CALN1: variants seen among roughly 807,000 people sequenced by gnomAD.
The protein encoded by CALN1 is calneuron 1, also known as calcium-binding protein 8.
In CALN1, 17 loss-of-function variants were observed where a neutral mutation model predicts 30.6. The observed-to-expected ratio is 0.56, with a 90% CI of 0.38 to 0.83. The LOEUF is 0.83. CALN1 is among the 40% of genes least tolerant of loss of function. The probability of loss-of-function intolerance (pLI) is 0.00; values close to 1 mark genes in which losing one functional copy is unlikely to be tolerated. For missense variants in CALN1, 291 were observed against 354.9 expected, an observed-to-expected ratio of 0.82 and a Z score of 1.45; for synonymous variants, 156 against 131.4, an observed-to-expected ratio of 1.19 and a Z score of -1.28.
chr7:72,445,830 G>A (rs748408950), intron 1 of CALN1, among the ~76,000 whole-genome samples: 8 of 152,144 alleles, frequency 5.3e-5, no homozygotes, highest in Non-Finnish European at 1.0e-4. Context: ...GGTAACTACC[G>A]TTCATGGAAA....
At chr7:71,889,309 T>G (rs535947382) in intron 5 of CALN1, among the ~76,000 whole-genome samples, 1 of 152,334 alleles carries the variant, frequency 6.6e-6, no homozygotes, top group African/African-American at 2.4e-5. Flanking sequence ...CCCTTGGGGC[T>G]CTTTTATTTA....
the CALN1 span, among the ~76,000 whole-genome samples, chr7:72,471,154 A>G: frequency 2.6e-5 from 4 of 152,296 alleles, 1 homozygote; most frequent in African/African-American, 9.6e-5. Flanking sequence ...GGGTCTTGCT[A>G]TCTTACCCAG....
intron 2 of CALN1, among the ~76,000 whole-genome samples, chr7:72,363,812 C>CCG (rs1803712391): frequency 6.6e-6 from 1 of 151,052 alleles, no homozygotes; most frequent in Non-Finnish European, 1.5e-5. Flanking sequence ...ACTGCAACCC[C>CCG]CGCCTCCTGG....
chr7:71,862,565 CTCTT>C (rs1321668327), intron 5 of CALN1, among the ~76,000 whole-genome samples: 3 of 152,172 alleles, frequency 2.0e-5, no homozygotes, highest in Non-Finnish European at 4.4e-5. Flanking sequence ...TCTATTACAC[CTCTT>C]TCTTTTATGA....
the CALN1 span, among the ~76,000 whole-genome samples, chr7:72,475,922 T>G: frequency 6.8e-6 from 1 of 146,262 alleles, no homozygotes; most frequent in Non-Finnish European, 1.5e-5. Context: ...GAACATGCTC[T>G]CTCTCTCCCT....
chr7:72,200,536 T>A (rs890511418), intron 3 of CALN1, among the ~76,000 whole-genome samples: 2 of 152,034 alleles, frequency 1.3e-5, no homozygotes, highest in African/African-American at 4.8e-5. Context: ...AACTGAGACT[T>A]AGAGTAGCTC....
intron 5 of CALN1, among the ~76,000 whole-genome samples, chr7:71,818,711 TATTTATTTA>T (rs1788413890): frequency 6.7e-6 from 1 of 149,404 alleles, no homozygotes. Context: ...TTTATTTATT[TATTTATTTA>T]TTTTTTTGAG....
chr7:72,096,667 T>C (rs1032861553), intron 4 of CALN1, among the ~76,000 whole-genome samples: 1 of 152,140 alleles, frequency 6.6e-6, no homozygotes, highest in Non-Finnish European at 1.5e-5. Flanking sequence ...GATGACCTAG[T>C]AGTGTGGTTG....
intron 5 of CALN1, among the ~76,000 whole-genome samples, chr7:71,854,336 T>TA (rs1017567001): frequency 3.4e-5 from 5 of 146,696 alleles, no homozygotes; most frequent in Non-Finnish European, 6.0e-5. Context: ...AGACTCCCTC[T>TA]AAAAAAATAA....
At position 71,891,953 on chromosome 7, in the gene CALN1, T is replaced by A. The variant is rs1330637961; in HGVS notation, c.502-81461A>T. 1.9e-3 allele frequency among the ~76,000 whole-genome samples: 231 copies of A among 124,794 alleles called. 2 individuals are homozygous for A. The highest frequency in any genetic ancestry group is 7.8e-3 in the African/African-American group (221 of 28,272). The allele number at this position is 124,794 out of a possible 152,430, so 81.9% of individuals were successfully genotyped here. A position where few individuals can be genotyped will look rare whatever the true frequency, so the allele number is the denominator to read the frequency against. Reference sequence around the variant, plus strand: ...AGTGAGACTCCGTCTCAAAAATAAATAAATAAAAAAAAAAATAACAAGTGC... The same window carrying A: ...AGTGAGACTCCGTCTCAAAAATAAAAAAATAAAAAAAAAAATAACAAGTGC... On this transcript the variant is annotated intron_variant, in intron 5 of 6. Coordinates refer to ENST00000395275, the MANE Select transcript of CALN1 (RefSeq NM_031468.4).
chr7:72,159,789 C>T (rs574278017), intron 3 of CALN1, among the ~76,000 whole-genome samples: 60 of 152,216 alleles, frequency 3.9e-4, no homozygotes, highest in Non-Finnish European at 6.9e-4. Context: ...CAGAGTGAGA[C>T]TTCATTTAAA....
intron 5 of CALN1, among the ~76,000 whole-genome samples, chr7:71,920,110 A>C (rs1196486215): frequency 6.6e-6 from 1 of 152,200 alleles, no homozygotes; most frequent in Non-Finnish European, 1.5e-5. Context: ...GATTGCAGAC[A>C]TGTTTATCTA....
At chr7:72,225,316 G>C (rs780227016) in intron 3 of CALN1, among the ~76,000 whole-genome samples, 2 of 151,928 alleles carry the variant, frequency 1.3e-5, no homozygotes, top group African/African-American at 4.8e-5. Context: ...CCTCCTGTGT[G>C]TCCCCAATTC....
At chr7:72,400,195 C>T (rs1158595042) in intron 2 of CALN1, among the ~76,000 whole-genome samples, 1 of 152,160 alleles carries the variant, frequency 6.6e-6, no homozygotes, top group Admixed American at 6.5e-5. Context: ...CCCTCCCCAT[C>T]TTCTGTCCAC....
rs1171485818 is a variant in CALN1, at chr7:72,314,360, CATATACATATATACACATAT to C, written c.120-35570_120-35551del. Reference sequence around the variant, plus strand: ...TAACATATATATATACATATATATACATATACATATATACACATATATACACATATATATACACATATATA... The same window carrying C: ...TAACATATATATATACATATATATACATACACATATATATACACATATATA... On this transcript the variant is annotated intron_variant, in intron 2 of 6. Transcript: ENST00000395275. Among the ~76,000 whole-genome samples the C allele has an allele frequency of 3.7e-3, 17 of 4,624 alleles. No individual in the cohort carries two copies. The Admixed American group carries it at 0.06, about 16-fold the overall frequency. The allele number at this position is 4,624 out of a possible 152,430, so 3.0% of individuals were successfully genotyped here.
chr7:71,874,637 A>C (rs1792137211), intron 5 of CALN1, among the ~76,000 whole-genome samples: 1 of 152,164 alleles, frequency 6.6e-6, no homozygotes, highest in Non-Finnish European at 1.5e-5. Context: ...CAAGAAAACA[A>C]CTTTATTTTT....
intron 4 of CALN1, among the ~76,000 whole-genome samples, chr7:72,027,353 C>G (rs1257959394): frequency 3.3e-5 from 5 of 152,134 alleles, no homozygotes; most frequent in African/African-American, 4.8e-5. Flanking sequence ...CTATCTGCAC[C>G]CACAGTGAGG....
At chr7:72,086,988 C>T (rs576010354) in intron 4 of CALN1, among the ~76,000 whole-genome samples, 45 of 152,042 alleles carry the variant, frequency 3.0e-4, no homozygotes, top group African/African-American at 1.1e-3. Context: ...CAAAAAGTTA[C>T]TCAAAGTTGT....
At chr7:72,376,062 A>G (rs938133221) in intron 2 of CALN1, among the ~76,000 whole-genome samples, 2 of 152,156 alleles carry the variant, frequency 1.3e-5, no homozygotes, top group Admixed American at 6.5e-5. Flanking sequence ...AGGTTTAGCC[A>G]TATTTGTATT....
Sources: gnomAD v4.1 joint callset for allele counts (sites outside exome capture counted in the v4.1 genomes callset) on GRCh38, gnomAD v4.1.1 for gene constraint, MANE v1.5 for transcripts, NCBI Gene and HGNC (gene_info 2026-07-23, HGNC 2026-07-21) for gene names.